Variants in SNTG2 observed in about 807,000 individuals in gnomAD.
The protein encoded by SNTG2 is syntrophin gamma 2.
Under a neutral mutation model 70.9 loss-of-function variants are expected in SNTG2, and 74 were observed. The ratio of observed to expected loss-of-function variants is 1.04; its 90% CI spans 0.86 to 1.27. SNTG2 has a LOEUF of 1.27. SNTG2 is among the 50% of genes most tolerant of loss of function. The pLI, the probability that SNTG2 is intolerant of heterozygous loss-of-function variation, is 0.00. For missense variants in SNTG2, 717 were observed against 690.7 expected, an observed-to-expected ratio of 1.04 and a Z score of -0.43; for synonymous variants, 278 against 273.8, an observed-to-expected ratio of 1.02 and a Z score of -0.15.
In SNTG2 at chr2:1,127,992, T is replaced by C. The variant is rs185675830; in HGVS notation, c.326-9630T>C. On this transcript the variant is annotated intron_variant, in intron 4 of 16. Coordinates refer to ENST00000308624, the MANE Select transcript of SNTG2 (RefSeq NM_018968.4). The stretch of plus-strand genomic sequence containing the variant: ...TCTAGCTAGGACTTCCAGTACTATG[T>C]TGAGTAAGAGTGGTGAGAGTGGGCA... Among the ~76,000 whole-genome samples the C allele has an allele frequency of 1.4e-3, 208 of 152,318 alleles. 1 individual carries two copies. Among genetic ancestry groups the C allele is most frequent in the African/African-American group, 4.7e-3 (194 of 41,578 alleles).
chr2:1,155,201 ACACC>A (rs1484577841), intron 6 of SNTG2, among the ~76,000 whole-genome samples: 20 of 128,758 alleles, frequency 1.6e-4, no homozygotes, highest in Non-Finnish European at 2.9e-4. Context: ...TAGACCACAC[ACACC>A]CACACCACAC....
At chr2:1,122,722 CAAAA>C (rs60163290) in intron 4 of SNTG2, among the ~76,000 whole-genome samples, 3 of 121,950 alleles carry the variant, frequency 2.5e-5, no homozygotes, top group African/African-American at 5.5e-5. Context: ...AGCAATCAGA[CAAAA>C]AAAAAAAAAA....
At chr2:1,016,324 C>A (rs1659890589) in intron 1 of SNTG2, among the ~76,000 whole-genome samples, 1 of 152,218 alleles carries the variant, frequency 6.6e-6, no homozygotes, top group Admixed American at 6.5e-5. Flanking sequence ...TCACTGCAGC[C>A]TCTGCCTCCC....
At position 1,248,248 on chromosome 2, in the gene SNTG2, C is replaced by A. The variant is rs147856967; in HGVS notation, c.1005+805C>A. ...TTAAGTAAGCGTTTTACTTGAGAATCATTTCAGATTTATGGAAAAGCTGCA... is the reference window on the plus strand; with the variant it reads ...TTAAGTAAGCGTTTTACTTGAGAATAATTTCAGATTTATGGAAAAGCTGCA... On this transcript the variant is annotated intron_variant, in intron 12 of 16. Coordinates refer to ENST00000308624, the MANE Select transcript of SNTG2 (RefSeq NM_018968.4). Among the ~76,000 whole-genome samples, 331 of 152,298 alleles carry A rather than the reference C, an allele frequency of 2.2e-3. 5 individuals are homozygous for A. The highest frequency in any genetic ancestry group is 7.3e-3 in the African/African-American group (302 of 41,564).
Position 1,064,090 on chromosome 2 carries a change from ACTT to A in SNTG2, c.73-19424_73-19422del, listed in dbSNP as rs200358173. ...TAGAAATAATTTAAAAAGACAGCCA[ACTT>A]CTTAGAAACAACAGGGGCGAGAAGA... On this transcript the variant is annotated intron_variant, in intron 1 of 16. Transcript: ENST00000308624. Among the ~76,000 whole-genome samples the A allele has an allele frequency of 8.7e-3, 1,323 of 152,316 alleles. 7 individuals are homozygous for A. Among genetic ancestry groups the A allele is most frequent in the Non-Finnish European group, 0.01 (684 of 68,028 alleles).
At chr2:1,127,465 C>T (rs115239348) in intron 4 of SNTG2, among the ~76,000 whole-genome samples, 1,605 of 152,066 alleles carry the variant, frequency 0.011, 40 homozygotes, top group African/African-American at 0.037. Context: ...GCAAATTTTA[C>T]AATTTTCTTT....
At chr2:1,000,430 TA>T (rs952099785) in intron 1 of SNTG2, among the ~76,000 whole-genome samples, 1 of 151,644 alleles carries the variant, frequency 6.6e-6, no homozygotes, top group African/African-American at 2.4e-5. Context: ...TCAGAAATGA[TA>T]AATATGACAC....
chr2:1,100,289 C>A (rs1665701087), intron 4 of SNTG2, among the ~76,000 whole-genome samples: 1 of 152,048 alleles, frequency 6.6e-6, no homozygotes, highest in Non-Finnish European at 1.5e-5. Context: ...GCCTCAGCCT[C>A]CCGAGTGGCT....
At chr2:1,086,567 A>G (rs1664698549) in intron 2 of SNTG2, among the ~76,000 whole-genome samples, 1 of 152,218 alleles carries the variant, frequency 6.6e-6, no homozygotes, top group African/African-American at 2.4e-5. Flanking sequence ...GAGGTTCCCC[A>G]GGTACGAAGT....
chr2:1,298,420 C>T (rs1343933289), intron 14 of SNTG2, among the ~76,000 whole-genome samples: 1 of 152,182 alleles, frequency 6.6e-6, no homozygotes, highest in Non-Finnish European at 1.5e-5. Flanking sequence ...AGGTGAGAGC[C>T]ACCACACCCG....
rs757786089 is a variant in SNTG2 at position 1,327,020 on chromosome 2, AT to A, written c.1488+10651del. Among the ~76,000 whole-genome samples the A allele has an allele frequency of 2.0e-5, 3 of 152,036 alleles. No individual in the cohort carries two copies. The East Asian group carries it at 5.8e-4, about 29-fold the overall frequency. On this transcript the variant is annotated intron_variant, in intron 16 of 16. Coordinates refer to ENST00000308624, the MANE Select transcript of SNTG2 (RefSeq NM_018968.4). ...CCTTACAAAAAATATATCTTCTTAT[AT>A]TTTTTATATAAGAATAAGTATATTT...
intron 1 of SNTG2, among the ~76,000 whole-genome samples, chr2:1,073,935 T>A (rs935465942): frequency 2.6e-5 from 4 of 152,196 alleles, no homozygotes; most frequent in African/African-American, 7.2e-5. Context: ...CCTGAGAAAA[T>A]TTTTAATGGT....
chr2:1,281,154 G>T (rs1250461310), intron 14 of SNTG2, among the ~76,000 whole-genome samples: 1 of 151,530 alleles, frequency 6.6e-6, no homozygotes, highest in Admixed American at 6.6e-5. Context: ...CGTCTTGGAG[G>T]CTGGGTAACT....
intron 6 of SNTG2, among the ~76,000 whole-genome samples, chr2:1,146,212 G>A (rs981907760): frequency 6.6e-6 from 1 of 152,052 alleles, no homozygotes; most frequent in Non-Finnish European, 1.5e-5. Flanking sequence ...TGGAATGCAA[G>A]GTTATTTATT....
intron 1 of SNTG2, among the ~76,000 whole-genome samples, chr2:1,029,308 G>A (rs1039106852): frequency 6.6e-6 from 1 of 152,208 alleles, no homozygotes; most frequent in Non-Finnish European, 1.5e-5. Flanking sequence ...TTCTTTGCAG[G>A]TGAGGGAGGT....
At chr2:1,205,482 G>A (rs928670572) in intron 8 of SNTG2, among the ~76,000 whole-genome samples, 1 of 152,122 alleles carries the variant, frequency 6.6e-6, no homozygotes, top group Non-Finnish European at 1.5e-5. Context: ...ATGCAGAGTC[G>A]GGGAGCTTAT....
At chr2:1,362,644 C>T (rs1482132722) in intron 16 of SNTG2, among the ~76,000 whole-genome samples, 3 of 151,082 alleles carry the variant, frequency 2.0e-5, no homozygotes, top group African/African-American at 7.3e-5. Flanking sequence ...GTAGAACTTC[C>T]ATGAAAGTCA....
chr2:999,405 C>G (rs1377467201), intron 1 of SNTG2, among the ~76,000 whole-genome samples: 1 of 151,950 alleles, frequency 6.6e-6, no homozygotes, highest in Non-Finnish European at 1.5e-5. Context: ...AAGAAACCCA[C>G]CTGAGTGGTA....
At chr2:1,070,601 A>G (rs1403623749) in intron 1 of SNTG2, among the ~76,000 whole-genome samples, 1 of 152,258 alleles carries the variant, frequency 6.6e-6, no homozygotes, top group Non-Finnish European at 1.5e-5. Context: ...GCAGCAGATT[A>G]GAAAGTGACA....
Sources: allele counts gnomAD v4.1 joint callset (sites outside exome capture counted in the v4.1 genomes callset), GRCh38; gene constraint gnomAD v4.1.1; transcripts MANE v1.5; gene names NCBI Gene and HGNC (gene_info 2026-07-23, HGNC 2026-07-21).